Variants in NUDT9 observed in about 807,000 individuals in gnomAD.
The protein encoded by NUDT9 is nudix hydrolase 9.
NUDT9 carries 31 observed loss-of-function variants against 41.0 expected under a neutral mutation model. The observed-to-expected ratio is 0.76, with a 90% CI of 0.57 to 1.02. The LOEUF is 1.02. NUDT9 is among the 50% of genes least tolerant of loss of function. NUDT9 has a pLI of 0.00. For synonymous variants in NUDT9, 146 were observed against 147.6 expected (o/e 0.99, Z 0.08); for missense variants, 380 against 431.4 (o/e 0.88, Z 1.06).
intron 1 of NUDT9, among the ~76,000 whole-genome samples, chr4:87,428,519 C>T (rs1268465792): frequency 3.6e-5 from 4 of 110,140 alleles, no homozygotes; most frequent in African/African-American, 8.4e-5. Flanking sequence ...AACTGCGGTA[C>T]ATCCAGACAA....
chr4:87,447,348 AT>A (rs1256831669), intron 4 of NUDT9, among the ~76,000 whole-genome samples: 1 of 152,202 alleles, frequency 6.6e-6, no homozygotes, highest in African/African-American at 2.4e-5. Flanking sequence ...GGAACTAGAT[AT>A]GGTAGATATG....
chr4:87,446,247 CTTTTTT>C (rs386400738), intron 4 of NUDT9, among the ~76,000 whole-genome samples: 1 of 124,234 alleles, frequency 8.0e-6, no homozygotes, highest in Admixed American at 9.1e-5. Context: ...CTTATCTTTC[CTTTTTT>C]TTTTTTTTTT....
intron 1 of NUDT9, among the ~76,000 whole-genome samples, chr4:87,424,253 C>A (rs1264126609): frequency 1.9e-5 from 2 of 103,910 alleles, no homozygotes; most frequent in East Asian, 7.7e-4. Flanking sequence ...CTCCCTAATG[C>A]GTTTTTTTTT....
Position 87,454,395 on chromosome 4 carries a change from C to G in NUDT9, c.814C>G (p.Pro272Ala). The change falls in exon 7 of 8, where the codon CCT (proline) becomes GCT (alanine). Residue 272 changes from proline (P) to alanine (A), a missense_variant. By Grantham distance (27) the Pro-to-Ala change is conservative (BLOSUM62 -1). Coordinates refer to ENST00000302174, the MANE Select transcript of NUDT9 (RefSeq NM_024047.5). ...GATATATAAGGGATATGTTGATGAT[C>G]CTCGAAACACTGATAATGCATGGAT... ...LVIYKGYVDD[P>A]RNTDNAWMET... The G allele has an allele frequency of 2.5e-6, 4 of 1,611,360 alleles. No individual in the cohort carries two copies. The highest frequency in any genetic ancestry group is 3.4e-6 in the Non-Finnish European group (4 of 1,177,628).
At chr4:87,452,805 C>CA (rs1722812384) in intron 6 of NUDT9, among the ~76,000 whole-genome samples, 2 of 137,256 alleles carry the variant, frequency 1.5e-5, no homozygotes, top group Non-Finnish European at 3.1e-5. Flanking sequence ...AAGAAAATAA[C>CA]AGAGTTTTTT....
rs1722893871 is a variant in NUDT9 at position 87,454,336 on chromosome 4, G to C, written c.790-35G>C. Reference sequence around the variant, plus strand: ...TGCTCTGCTGTACTCACTACACCTTGGACTTTTAAAAAATTTGTCTTCTTT... The same window carrying C: ...TGCTCTGCTGTACTCACTACACCTTCGACTTTTAAAAAATTTGTCTTCTTT... On this transcript the variant is annotated intron_variant, in intron 6 of 7. Coordinates refer to ENST00000302174, the MANE Select transcript of NUDT9 (RefSeq NM_024047.5). The C allele has an allele frequency of 2.4e-6, 3 of 1,251,998 alleles. No homozygotes were observed. In the East Asian group the frequency reaches 6.9e-5, roughly 29 times the overall value. The allele number at this position is 1,251,998 out of a possible 1,614,324, so 77.6% of individuals were successfully genotyped here. A position where few individuals can be genotyped will look rare whatever the true frequency, so the allele number is the denominator to read the frequency against.
rs1284851496 is a variant in NUDT9 at position 87,449,034 on chromosome 4, A to G, written c.531-108A>G. 9 of 618,806 alleles carry G rather than the reference A, an allele frequency of 1.5e-5. No individual in the cohort carries two copies. In the East Asian group the frequency reaches 1.7e-4, roughly 12 times the overall value. The allele number at this position is 618,806 out of a possible 1,614,324, so 38.3% of individuals were successfully genotyped here. ...AAACTAGCTGATTTGAGATAAATTTATATATACTCTGCTTTAAAGAAAAAG... is the reference window on the plus strand; with the variant it reads ...AAACTAGCTGATTTGAGATAAATTTGTATATACTCTGCTTTAAAGAAAAAG... On this transcript the variant is annotated intron_variant, in intron 4 of 7. Transcript: ENST00000302174.
At chr4:87,440,367 A>G (rs897362927) in intron 3 of NUDT9, among the ~76,000 whole-genome samples, 2 of 152,148 alleles carry the variant, frequency 1.3e-5, no homozygotes, top group Non-Finnish European at 2.9e-5. Flanking sequence ...GCTTTTGTCT[A>G]TATTTTTGGC....
In NUDT9 at chr4:87,449,240, G is replaced by A; in HGVS notation, c.629G>A (p.Trp210Ter). 1.3e-6 allele frequency: 2 copies of A among 1,576,578 alleles called. No homozygotes were observed. The highest frequency in any genetic ancestry group is 1.7e-6 in the Non-Finnish European group (2 of 1,146,056). The change falls in exon 5 of 8, where the codon TGG becomes TAG. Residue 210 changes from tryptophan to a stop codon, truncating the protein, a stop_gained. Coordinates refer to ENST00000302174, the MANE Select transcript of NUDT9 (RefSeq NM_024047.5). LOFTEE classifies it high-confidence loss of function. ...ATAAAAAGGAAAGACTGTGGAGAAT[G>A]GGCAATCCCAGGGGTAAGCATTAAA... ...VAIKRKDCGE[W>*]AIPGGMVDPG...
At chr4:87,428,965 A>C (rs1452097731) in intron 1 of NUDT9, among the ~76,000 whole-genome samples, 1 of 152,128 alleles carries the variant, frequency 6.6e-6, no homozygotes, top group Admixed American at 6.5e-5. Flanking sequence ...GGTTTGGACA[A>C]ATGTATAATG....
At chr4:87,423,400 A>G (rs2110153024) in intron 1 of NUDT9, among the ~76,000 whole-genome samples, 1 of 152,266 alleles carries the variant, frequency 6.6e-6, no homozygotes, top group Non-Finnish European at 1.5e-5. Context: ...TAAAATCACT[A>G]TTCCCCCTGT....
Position 87,443,664 on chromosome 4 carries a change from A to G in NUDT9, c.530+1749A>G, listed in dbSNP as rs75193795. Reference sequence around the variant, plus strand: ...ACTGTGGTAAACTAGTGCACCCAAGAAAGGCTTTATAAAGCAGGTAGATTT... The same window carrying G: ...ACTGTGGTAAACTAGTGCACCCAAGGAAGGCTTTATAAAGCAGGTAGATTT... On this transcript the variant is annotated intron_variant, in intron 4 of 7. Coordinates refer to ENST00000302174, the MANE Select transcript of NUDT9 (RefSeq NM_024047.5). Among the ~76,000 whole-genome samples, 403 of 152,332 alleles carry G rather than the reference A, an allele frequency of 2.6e-3. 5 individuals carry two copies. Among genetic ancestry groups the G allele is most frequent in the African/African-American group, 9.3e-3 (387 of 41,582 alleles).
At chr4:87,441,741 G>C in intron 3 of NUDT9, 88 bp from the exon 4 acceptor site, 2 of 1,021,904 alleles carry the variant, frequency 2.0e-6, no homozygotes, top group Non-Finnish European at 3.0e-6. Flanking sequence ...CTGTCTTACT[G>C]CTTATGTTCT....
At position 87,422,871 on chromosome 4, in the gene NUDT9, C is replaced by T; in HGVS notation, c.-35C>T. Reference sequence around the variant, plus strand: ...GGGAGGCGGAGGCACCAACTAAGAGCGACCTAGCATCGCAAAGCCGCCCTC... The same window carrying T: ...GGGAGGCGGAGGCACCAACTAAGAGTGACCTAGCATCGCAAAGCCGCCCTC... On this transcript the variant is annotated 5_prime_UTR_variant, in exon 1 of 8. Coordinates refer to ENST00000302174, the MANE Select transcript of NUDT9 (RefSeq NM_024047.5). 1 of 1,560,898 alleles carries T rather than the reference C, an allele frequency of 6.4e-7. No individual in the cohort carries two copies. The highest frequency in any genetic ancestry group is 8.7e-7 in the Non-Finnish European group (1 of 1,144,814).
chr4:87,455,680 G>A (rs1318291295), intron 7 of NUDT9, among the ~76,000 whole-genome samples: 3 of 141,184 alleles, frequency 2.1e-5, no homozygotes, highest in African/African-American at 5.3e-5. Context: ...TTTTAACCCC[G>A]AGATGGAGTC....
chr4:87,443,383 G>T (rs1722300583), intron 4 of NUDT9, among the ~76,000 whole-genome samples: 2 of 152,110 alleles, frequency 1.3e-5, no homozygotes, highest in African/African-American at 4.8e-5. Flanking sequence ...TATATGAGTA[G>T]GTTAGGCATT....
rs1721988650 is a variant in NUDT9 at position 87,437,373 on chromosome 4, C to G, written c.348-904C>G. On this transcript the variant is annotated intron_variant, in intron 2 of 7. Coordinates refer to ENST00000302174, the MANE Select transcript of NUDT9 (RefSeq NM_024047.5). ...ATTTATTTTTCGAGATGGAGTCTCG[C>G]TCTGTCGCCCAGGCTGGAGTGCAGT... Among the ~76,000 whole-genome samples the G allele has an allele frequency of 2.0e-5, 3 of 151,610 alleles. No homozygotes were observed. In the South Asian group the frequency reaches 6.2e-4, roughly 32 times the overall value.
chr4:87,425,188 C>T (rs1216270621), intron 1 of NUDT9, among the ~76,000 whole-genome samples: 1 of 151,220 alleles, frequency 6.6e-6, no homozygotes, highest in Non-Finnish European at 1.5e-5. Context: ...AGACCCTTGT[C>T]TCTAAAAAAA....
At position 87,423,021 on chromosome 4, in the gene NUDT9, C is replaced by T. The variant is rs1447352844; in HGVS notation, c.107+9C>T. 2 of 1,605,838 alleles carry T rather than the reference C, an allele frequency of 1.2e-6. No individual in the cohort carries two copies. Among genetic ancestry groups the T allele is most frequent in the Non-Finnish European group, 1.7e-6 (2 of 1,174,130 alleles). ...GGCATCCAGGCGTTCAGGTATTCCA[C>T]CCTCCTACTACCGGCTCCTTTGCCC... On this transcript the variant is annotated intron_variant, in intron 1 of 7. Transcript: ENST00000302174.
Sources: gnomAD v4.1 joint callset for allele counts (sites outside exome capture counted in the v4.1 genomes callset) on GRCh38, gnomAD v4.1.1 for gene constraint, MANE v1.5 for transcripts, NCBI Gene and HGNC (gene_info 2026-07-23, HGNC 2026-07-21) for gene names.